The following SPRED1 variants were observed in gnomAD, a reference collection of about 807,000 sequenced individuals.
SPRED1 encodes the protein sprouty related EVH1 domain containing 1, also known as sprouty-related, EVH1 domain-containing protein 1.
SPRED1 carries 18 observed loss-of-function variants against 52.3 expected under a neutral mutation model. That is an observed-to-expected ratio of 0.34 (90% confidence interval 0.24 to 0.51). SPRED1 has a LOEUF of 0.51. Ranked by LOEUF, SPRED1 falls within the 20% of genes least tolerant of loss-of-function variation. The pLI is 0.97. For synonymous variants in SPRED1, 155 were observed against 179.7 expected, an observed-to-expected ratio of 0.86 and a Z score of 1.10; for missense variants, 485 against 551.0, an observed-to-expected ratio of 0.88 and a Z score of 1.20.
intron 1 of SPRED1, among the ~76,000 whole-genome samples, chr15:38,284,538 A>G (rs991461909): frequency 3.9e-5 from 6 of 152,010 alleles, no homozygotes; most frequent in African/African-American, 9.7e-5. Context: ...TTACATTTTT[A>G]TGCAGTTGAA....
At chr15:38,261,914 C>T (rs1894213181) in intron 1 of SPRED1, among the ~76,000 whole-genome samples, 1 of 150,898 alleles carries the variant, frequency 6.6e-6, no homozygotes, top group African/African-American at 2.4e-5. Flanking sequence ...TGAGTTGTGT[C>T]TTTTCTGATG....
intron 1 of SPRED1, among the ~76,000 whole-genome samples, chr15:38,282,114 CAT>C (rs1036816022): frequency 6.6e-6 from 1 of 152,144 alleles, no homozygotes; most frequent in Non-Finnish European, 1.5e-5. Flanking sequence ...CATAATACTC[CAT>C]GCATGTTCCA....
In SPRED1 at chr15:38,356,389, A is replaced by G. The variant is rs530058944; in HGVS notation, c.*4725A>G. On this transcript the variant is annotated 3_prime_UTR_variant, in exon 7 of 7. Coordinates refer to ENST00000299084, the MANE Select transcript of SPRED1 (RefSeq NM_152594.3). ...TAATTGGACATAGCAGATGATTATC[A>G]TAAGAATTTGTTTTAATGGTTTTTT... 3.3e-5 allele frequency: 5 copies of G among 152,262 alleles called. No homozygotes were observed. The highest frequency in any genetic ancestry group is 7.4e-5 in the Non-Finnish European group (5 of 67,964). The allele number at this position is 152,262 out of a possible 1,614,324, so 9.4% of individuals were successfully genotyped here. A position where few individuals can be genotyped will look rare whatever the true frequency, so the allele number is the denominator to read the frequency against.
chr15:38,296,243 A>C (rs1895037273), intron 1 of SPRED1, among the ~76,000 whole-genome samples: 1 of 152,166 alleles, frequency 6.6e-6, no homozygotes, highest in South Asian at 2.1e-4. Context: ...GAAACTAAAA[A>C]AGCAGGTCAC....
chr15:38,308,575 T>C (rs575454466), intron 2 of SPRED1, among the ~76,000 whole-genome samples: 4 of 152,240 alleles, frequency 2.6e-5, no homozygotes, highest in Admixed American at 6.5e-5. Context: ...AAAAATGTTA[T>C]AAAAGTGTAA....
At chr15:38,324,721 AC>A in intron 3 of SPRED1, 41 bp from the exon 4 acceptor site, 1 of 1,506,570 alleles carries the variant, frequency 6.6e-7, no homozygotes, top group East Asian at 2.4e-5. Flanking sequence ...GGACTCTAAG[AC>A]AAAAATTCTA....
chr15:38,278,098 T>G (rs1894599357), intron 1 of SPRED1, among the ~76,000 whole-genome samples: 1 of 152,178 alleles, frequency 6.6e-6, no homozygotes, highest in Admixed American at 6.5e-5. Flanking sequence ...AAGGTAGAAC[T>G]ATTTGTGTGT....
intron 2 of SPRED1, among the ~76,000 whole-genome samples, chr15:38,314,897 C>T (rs981592840): frequency 1.3e-5 from 2 of 151,576 alleles, no homozygotes; most frequent in African/African-American, 2.4e-5. Flanking sequence ...CTGAAGGTAA[C>T]GGAACTGCTA....
intron 1 of SPRED1, among the ~76,000 whole-genome samples, chr15:38,260,207 C>A (rs185830777): frequency 8.5e-5 from 13 of 152,344 alleles, no homozygotes; most frequent in African/African-American, 3.1e-4. Flanking sequence ...TTGGCAGGGC[C>A]ATGTTCCCTC....
At chr15:38,304,820 A>G (rs1040529392) in intron 2 of SPRED1, among the ~76,000 whole-genome samples, 1 of 152,096 alleles carries the variant, frequency 6.6e-6, no homozygotes, top group Non-Finnish European at 1.5e-5. Flanking sequence ...TGTCTTCGCT[A>G]TTACATTGTG....
chr15:38,333,302 G>A (rs1438134825), intron 4 of SPRED1, among the ~76,000 whole-genome samples: 1 of 152,110 alleles, frequency 6.6e-6, no homozygotes, highest in Admixed American at 6.6e-5. Context: ...AAAATTTGAA[G>A]CATGTCATTG....
At chr15:38,341,566 C>T (rs1484735833) in intron 5 of SPRED1, among the ~76,000 whole-genome samples, 2 of 152,064 alleles carry the variant, frequency 1.3e-5, no homozygotes, top group Non-Finnish European at 2.9e-5. Context: ...AAGAAGTGAA[C>T]TACCGTATGC....
intron 1 of SPRED1, 35 bp from the exon 2 acceptor site, chr15:38,299,338 G>A (rs1895104708): frequency 3.1e-6 from 5 of 1,612,466 alleles, no homozygotes; most frequent in African/African-American, 2.7e-5. Context: ...TTTGTTTATG[G>A]AAAAGCTAAT....
At chr15:38,329,403 C>T (rs1003163221) in intron 4 of SPRED1, among the ~76,000 whole-genome samples, 1 of 152,064 alleles carries the variant, frequency 6.6e-6, no homozygotes, top group Non-Finnish European at 1.5e-5. Context: ...ATGAATTGTT[C>T]ATGTAATGAT....
intron 1 of SPRED1, among the ~76,000 whole-genome samples, chr15:38,287,156 G>GA (rs1894828600): frequency 1.3e-5 from 2 of 152,012 alleles, no homozygotes; most frequent in Admixed American, 6.6e-5. Context: ...AGAAACAATT[G>GA]AAAAAACAGA....
In SPRED1 at chr15:38,266,642, A is replaced by AAAAAC. The variant is rs956094146; in HGVS notation, c.32+13429_32+13433dup. Among the ~76,000 whole-genome samples, 18 of 129,416 alleles carry AAAAAC rather than the reference A, an allele frequency of 1.4e-4. No homozygotes were observed. The South Asian group carries it at 4.7e-3, about 34-fold the overall frequency. The allele number at this position is 129,416 out of a possible 152,430, so 84.9% of individuals were successfully genotyped here. ...GGCAACAGAGTGAGACTCTGTCTCA[A>AAAAAC]AAAACAAACAAACAAACAAACAAAC... On this transcript the variant is annotated intron_variant, in intron 1 of 6. Transcript: ENST00000299084.
chr15:38,327,018 A>G (rs1257475571), intron 4 of SPRED1, among the ~76,000 whole-genome samples: 1 of 152,136 alleles, frequency 6.6e-6, no homozygotes, highest in Non-Finnish European at 1.5e-5. Context: ...CATGGCAGTT[A>G]CCCTCTGCCT....
chr15:38,333,038 T>C (rs1486602260), intron 4 of SPRED1, among the ~76,000 whole-genome samples: 1 of 152,170 alleles, frequency 6.6e-6, no homozygotes, highest in Admixed American at 6.5e-5. Flanking sequence ...AATTGAATCA[T>C]AGCCCCACCT....
intron 2 of SPRED1, among the ~76,000 whole-genome samples, chr15:38,314,132 C>A (rs1389271439): frequency 1.3e-5 from 2 of 151,678 alleles, no homozygotes; most frequent in African/African-American, 2.4e-5. Flanking sequence ...CTAAGTGTTC[C>A]ACATATTTTA....
Sources: gnomAD v4.1 joint callset for allele counts (sites outside exome capture counted in the v4.1 genomes callset) on GRCh38, gnomAD v4.1.1 for gene constraint, MANE v1.5 for transcripts, NCBI Gene and HGNC (gene_info 2026-07-23, HGNC 2026-07-21) for gene names.